The following ASIC2 variants were observed in gnomAD, a reference collection of about 807,000 sequenced individuals.
ASIC2 encodes acid sensing ion channel subunit 2, also known as acid-sensing ion channel 2.
Under a neutral mutation model 57.3 loss-of-function variants are expected in ASIC2, and 25 were observed. The observed-to-expected ratio is 0.44, with a 90% CI of 0.32 to 0.61. The LOEUF (loss-of-function observed/expected upper bound fraction) is 0.61. ASIC2 is among the 20% of genes least tolerant of loss of function. The probability of loss-of-function intolerance (pLI) is 0.06; values close to 1 mark genes in which losing one functional copy is unlikely to be tolerated. For missense variants in ASIC2, 641 were observed against 738.1 expected, an observed-to-expected ratio of 0.87 and a Z score of 1.52; for synonymous variants, 319 against 307.5, an observed-to-expected ratio of 1.04 and a Z score of -0.39.
In ASIC2 at chr17:34,111,006, T is replaced by C. The variant is rs1263265349; in HGVS notation, c.555+44972A>G. ...TGGGAGGACGAGGCTGGTGGATCAC[T>C]TGAGGTCAGGAGTTCGAAACCAGCC... On this transcript the variant is annotated intron_variant, in intron 1 of 9. Transcript: ENST00000359872. Among the ~76,000 whole-genome samples the C allele has an allele frequency of 2.0e-5, 3 of 152,094 alleles. No homozygotes were observed. In the South Asian group the frequency reaches 6.2e-4, roughly 32 times the overall value.
chr17:34,095,580 G>T (rs1305744995), intron 1 of ASIC2, among the ~76,000 whole-genome samples: 2 of 135,430 alleles, frequency 1.5e-5, no homozygotes, highest in Admixed American at 1.5e-4. Context: ...CCAGCCAAGG[G>T]AAGAGTTGGG....
At chr17:33,801,214 A>G (rs1912123324) in intron 1 of ASIC2, among the ~76,000 whole-genome samples, 1 of 152,162 alleles carries the variant, frequency 6.6e-6, no homozygotes, top group Non-Finnish European at 1.5e-5. Context: ...GAGAAAGGAG[A>G]GGAAGGAAAA....
At position 33,772,879 on chromosome 17, in the gene ASIC2, A is replaced by C. The variant is rs552173001; in HGVS notation, c.555+383099T>G. 5.9e-5 allele frequency among the ~76,000 whole-genome samples: 9 copies of C among 152,248 alleles called. No homozygotes were observed. The South Asian group carries it at 1.9e-3, about 32-fold the overall frequency. ...TTATATAACATGTTCTTCATTTGAA[A>C]ACCGGATACTTCCCAAAGAATGAGT... On this transcript the variant is annotated intron_variant, in intron 1 of 9. Coordinates refer to the ASIC2 transcript ENST00000359872.
intron 1 of ASIC2, among the ~76,000 whole-genome samples, chr17:33,505,470 C>T (rs1472510901): frequency 6.6e-6 from 1 of 152,108 alleles, no homozygotes; most frequent in East Asian, 1.9e-4. Context: ...ATTGCCAAAT[C>T]TATAGATTAC....
At chr17:33,551,165 G>T (rs1245856998) in intron 1 of ASIC2, among the ~76,000 whole-genome samples, 2 of 152,158 alleles carry the variant, frequency 1.3e-5, no homozygotes, top group Admixed American at 1.3e-4. Flanking sequence ...TTAACATTTG[G>T]TCGGATGTCT....
At chr17:33,679,888 G>T (rs1907946706) in intron 1 of ASIC2, among the ~76,000 whole-genome samples, 1 of 152,206 alleles carries the variant, frequency 6.6e-6, no homozygotes, top group African/African-American at 2.4e-5. Context: ...GGGAGAGGCA[G>T]GAGTGGGGCT....
intron 1 of ASIC2, among the ~76,000 whole-genome samples, chr17:33,477,726 A>G (rs1251240054): frequency 3.3e-5 from 5 of 152,212 alleles, no homozygotes; most frequent in Non-Finnish European, 7.3e-5. Flanking sequence ...AGCCATTCAC[A>G]TGGAGAAGCT....
chr17:33,532,725 A>G (rs754618159), intron 1 of ASIC2, among the ~76,000 whole-genome samples: 89 of 152,246 alleles, frequency 5.8e-4, no homozygotes, highest in Non-Finnish European at 1.0e-3. Flanking sequence ...TCACGAGATG[A>G]TTGTGGCAGC....
intron 7 of ASIC2, 80 bp downstream of exon 7, chr17:33,021,139 G>C (rs560540683): frequency 9.4e-7 from 1 of 1,060,526 alleles, no homozygotes; most frequent in South Asian, 1.5e-5. Context: ...CTGTCTGCTT[G>C]CCTCCCATCC....
intron 1 of ASIC2, among the ~76,000 whole-genome samples, chr17:33,786,461 C>T (rs955724235): frequency 1.3e-5 from 2 of 151,996 alleles, no homozygotes; most frequent in African/African-American, 4.8e-5. Context: ...TTTTATTTTG[C>T]CCTTAAAAAC....
intron 1 of ASIC2, chr17:33,571,909 C>G (rs1442689384): frequency 2.6e-5 from 4 of 152,216 alleles, no homozygotes; most frequent in Admixed American, 6.5e-5. Context: ...TTCTCAGGCT[C>G]TTGTTTAGAT....
chr17:33,200,451 T>C (rs900076000), intron 1 of ASIC2, among the ~76,000 whole-genome samples: 9 of 152,154 alleles, frequency 5.9e-5, no homozygotes, highest in Non-Finnish European at 1.3e-4. Context: ...ACTCGGATGT[T>C]CAAGCCTGTC....
At chr17:33,406,845 G>T (rs1036800184) in intron 1 of ASIC2, among the ~76,000 whole-genome samples, 2 of 152,200 alleles carry the variant, frequency 1.3e-5, no homozygotes, top group South Asian at 4.2e-4. Context: ...TCAAAGGACT[G>T]TTCAGGAAAC....
At chr17:33,174,413 T>C (rs950545846) in intron 1 of ASIC2, among the ~76,000 whole-genome samples, 4 of 118,744 alleles carry the variant, frequency 3.4e-5, no homozygotes, top group East Asian at 2.3e-4. Context: ...GCAGCAAGAC[T>C]CCATCAAAAA....
intron 1 of ASIC2, among the ~76,000 whole-genome samples, chr17:33,170,759 G>A (rs1484268777): frequency 1.3e-5 from 2 of 152,142 alleles, no homozygotes; most frequent in Admixed American, 1.3e-4. Context: ...TAAAGACCAG[G>A]TTGCCCAAGC....
At chr17:34,102,319 G>T (rs1015995164) in intron 1 of ASIC2, among the ~76,000 whole-genome samples, 9 of 152,046 alleles carry the variant, frequency 5.9e-5, no homozygotes, top group African/African-American at 2.2e-4. Context: ...GACAGAGTGA[G>T]ACTCCGTCTA....
At chr17:33,346,498 G>A (rs1435741667) in intron 1 of ASIC2, among the ~76,000 whole-genome samples, 1 of 151,832 alleles carries the variant, frequency 6.6e-6, no homozygotes, top group African/African-American at 2.4e-5. Context: ...ATGAAAATGC[G>A]TGGGTATGCA....
intron 1 of ASIC2, among the ~76,000 whole-genome samples, chr17:33,850,351 C>T (rs116507318): frequency 0.013 from 1,933 of 152,302 alleles, 41 homozygotes; most frequent in African/African-American, 0.044. Context: ...CAAAGTATCT[C>T]GTCGCCACAT....
chr17:33,421,361 C>A (rs570349788), intron 1 of ASIC2, among the ~76,000 whole-genome samples: 1 of 152,350 alleles, frequency 6.6e-6, no homozygotes, highest in Non-Finnish European at 1.5e-5. Flanking sequence ...CAAGTCCCAT[C>A]CATATCCTTG....
Sources: gnomAD v4.1 joint callset for allele counts (sites outside exome capture counted in the v4.1 genomes callset) on GRCh38, gnomAD v4.1.1 for gene constraint, MANE v1.5 for transcripts, NCBI Gene and HGNC (gene_info 2026-07-23, HGNC 2026-07-21) for gene names.